CHD1L: variants seen among roughly 807,000 people sequenced by gnomAD.
CHD1L encodes chromodomain helicase DNA binding protein 1 like, also known as ATP-dependent chromatin remodeler CHD1L.
Under a neutral mutation model 115.9 loss-of-function variants are expected in CHD1L, and 118 were observed. That is an observed-to-expected ratio of 1.02 (90% CI 0.88 to 1.19). The LOEUF (loss-of-function observed/expected upper bound fraction) is 1.19. Among genes scored for constraint, CHD1L ranks in the 50% most tolerant of loss-of-function variants. CHD1L has a pLI of 0.00. For missense variants in CHD1L, 1,179 were observed against 1,065.3 expected, an observed-to-expected ratio of 1.11 and a Z score of -1.49; for synonymous variants, 411 against 387.1, an observed-to-expected ratio of 1.06 and a Z score of -0.72.
chr1:147,222,111 T>G, the CHD1L span, among the ~76,000 whole-genome samples: 4 of 152,332 alleles, frequency 2.6e-5, no homozygotes, highest in Admixed American at 6.5e-5. Flanking sequence ...GGCTCATGCC[T>G]GTAATCCCCA....
chr1:147,267,026 G>A (rs1384347948), intron 8 of CHD1L, among the ~76,000 whole-genome samples: 1 of 152,304 alleles, frequency 6.6e-6, no homozygotes, highest in East Asian at 1.9e-4. Context: ...GGGAACTGCT[G>A]TATTTAAGAG....
In CHD1L at chr1:147,285,237, G is replaced by A. The variant is rs1020806334; in HGVS notation, c.1855-87G>A. The A allele has an allele frequency of 2.8e-6, 4 of 1,415,398 alleles. No individual in the cohort carries two copies. In the African/African-American group the frequency reaches 5.7e-5, roughly 20 times the overall value. 87.7% of individuals were successfully genotyped at this position (1,415,398 alleles called of 1,614,324 possible). A position where few individuals can be genotyped will look rare whatever the true frequency, so the allele number is the denominator to read the frequency against. ...CAGTGTTCTGTGGAATATTAAGCAT[G>A]TTGCTTCCGTACAGTGTGTGTTAGG... On this transcript the variant is annotated intron_variant, in intron 16 of 22. Coordinates refer to ENST00000369258, the MANE Select transcript of CHD1L (RefSeq NM_004284.6).
chr1:147,225,569 A>G, the CHD1L span: 1 of 155,248 alleles, frequency 6.4e-6, no homozygotes, highest in Non-Finnish European at 1.4e-5. Context: ...AGCACTCTCA[A>G]TTACTTTCTC....
chr1:147,266,173 A>G (rs1294842113), intron 8 of CHD1L, 86 bp downstream of exon 8: 11 of 1,279,402 alleles, frequency 8.6e-6, no homozygotes, highest in Admixed American at 2.2e-5. Flanking sequence ...ACTCATTTGT[A>G]TGATCCCAAG....
Position 147,272,210 on chromosome 1 carries a change from A to T in CHD1L, c.1199A>T (p.Glu400Val). 6.2e-7 allele frequency: 1 copy of T among 1,614,142 alleles called. No individual in the cohort carries two copies. Among genetic ancestry groups the T allele is most frequent in the Non-Finnish European group, 8.5e-7 (1 of 1,180,002 alleles). Residue 400 changes from glutamate to valine, a missense_variant, in exon 12 of 23, where the codon GAA becomes GTA. Coordinates refer to ENST00000369258, the MANE Select transcript of CHD1L (RefSeq NM_004284.6). ...YERVDGSVRGEERHLAIKNFG... is the reference protein window; with the variant it reads ...YERVDGSVRGVERHLAIKNFG... Reference sequence around the variant, plus strand: ...CGTGTGGATGGTTCTGTGAGAGGAGAAGAGAGACACTTGGCCATTAAGAAC... The same window carrying T: ...CGTGTGGATGGTTCTGTGAGAGGAGTAGAGAGACACTTGGCCATTAAGAAC...
At chr1:147,217,267 A>G in the CHD1L span, among the ~76,000 whole-genome samples, 1 of 152,210 alleles carries the variant, frequency 6.6e-6, no homozygotes, top group Admixed American at 6.5e-5. Context: ...AAAAGAAAAA[A>G]AAACTTCCTA....
intron 21 of CHD1L, 46 bp downstream of exon 21, chr1:147,293,768 G>T: frequency 6.6e-7 from 1 of 1,504,662 alleles, no homozygotes; most frequent in South Asian, 1.1e-5. Flanking sequence ...TTTGTTTCTA[G>T]GCATGTGATA....
the CHD1L span, chr1:147,190,387 G>T: frequency 1.7e-6 from 1 of 575,322 alleles, no homozygotes; most frequent in South Asian, 2.3e-5. Context: ...CAATTCACTT[G>T]ATCACCTTAC....
At chr1:147,267,598 A>G in intron 9 of CHD1L, 80 bp downstream of exon 9, 2 of 1,048,094 alleles carry the variant, frequency 1.9e-6, no homozygotes, top group Non-Finnish European at 2.9e-6. Context: ...CTTCAAAATA[A>G]TTGCATATAC....
At chr1:147,244,187 T>C (rs1241400033) in intron 1 of CHD1L, among the ~76,000 whole-genome samples, 1 of 152,236 alleles carries the variant, frequency 6.6e-6, no homozygotes, top group Non-Finnish European at 1.5e-5. Flanking sequence ...AGTGTGCCAG[T>C]TGATACTTAG....
At chr1:147,258,634 T>C (rs1172580857) in intron 5 of CHD1L, among the ~76,000 whole-genome samples, 1 of 152,178 alleles carries the variant, frequency 6.6e-6, no homozygotes, top group Non-Finnish European at 1.5e-5. Flanking sequence ...AGTAGGTGAA[T>C]GGTAATGTCA....
Position 147,285,478 on chromosome 1 carries a change from A to G in CHD1L, c.2009A>G (p.His670Arg), listed in dbSNP as rs587713818. 43 of 1,610,846 alleles carry G rather than the reference A, an allele frequency of 2.7e-5. No homozygotes were observed. The highest frequency in any genetic ancestry group is 4.0e-5 in the African/African-American group (3 of 74,640). The stretch of plus-strand genomic sequence containing the variant: ...AAGAGGCAAAAGGAAGAGGCTGAAC[A>G]TAAGAAAAAGTATGTCTGCGTTAAC... Reference protein sequence around the residue: ...EKKRQKEEAEHKKKMAWWESN... With the variant: ...EKKRQKEEAERKKKMAWWESN... The change falls in exon 17 of 23, where the codon CAT (histidine) becomes CGT (arginine). Residue 670 changes from histidine (H) to arginine (R), a missense_variant. His to Arg is a conservative substitution (Grantham distance 29). Coordinates refer to ENST00000369258, the MANE Select transcript of CHD1L (RefSeq NM_004284.6).
the CHD1L span, among the ~76,000 whole-genome samples, chr1:147,237,429 A>G: frequency 5.9e-5 from 9 of 151,476 alleles, no homozygotes; most frequent in African/African-American, 2.2e-4. Flanking sequence ...GCTGTGCCTG[A>G]GAGGGTAGGG....
intron 15 of CHD1L, among the ~76,000 whole-genome samples, chr1:147,283,295 T>A (rs1681658583): frequency 6.6e-6 from 1 of 151,544 alleles, no homozygotes. Flanking sequence ...AAGCAATTGA[T>A]CTCTTGAGAA....
the CHD1L span, among the ~76,000 whole-genome samples, chr1:147,180,335 A>G: frequency 6.6e-6 from 1 of 152,062 alleles, no homozygotes; most frequent in East Asian, 1.9e-4. Flanking sequence ...CTCTGTTGCC[A>G]GGCTGGAGTT....
intron 6 of CHD1L, among the ~76,000 whole-genome samples, chr1:147,261,415 T>C (rs1671893962): frequency 7.0e-6 from 1 of 142,936 alleles, no homozygotes; most frequent in Non-Finnish European, 1.6e-5. Context: ...TTTTTTTTTA[T>C]ATATAAAGGC....
chr1:147,242,699 G>A lies in CHD1L; in HGVS notation c.-5G>A, dbSNP rs1420787416. The stretch of plus-strand genomic sequence containing the variant: ...GCCGCGCGGGGCGGGGCCTCTACCG[G>A]CCCGATGGAGCGCGCGGGCGCTACT... On this transcript the variant is annotated 5_prime_UTR_variant, in exon 1 of 23. Coordinates refer to ENST00000369258, the MANE Select transcript of CHD1L (RefSeq NM_004284.6). 2 of 1,260,648 alleles carry A rather than the reference G, an allele frequency of 1.6e-6. No individual in the cohort carries two copies. 78.1% of individuals were successfully genotyped at this position (1,260,648 alleles called of 1,614,324 possible).
the CHD1L span, among the ~76,000 whole-genome samples, chr1:147,218,130 C>A: frequency 1.3e-5 from 2 of 152,050 alleles, no homozygotes; most frequent in African/African-American, 2.4e-5. Context: ...AATATAAAGT[C>A]AAATGCATAG....
At chr1:147,282,425 C>T (rs1465283999) in intron 15 of CHD1L, among the ~76,000 whole-genome samples, 2 of 152,110 alleles carry the variant, frequency 1.3e-5, no homozygotes, top group African/African-American at 2.4e-5. Context: ...ACTTGTAAGT[C>T]CTAAGCTCTT....
Sources: gnomAD v4.1 joint callset for allele counts (sites outside exome capture counted in the v4.1 genomes callset) on GRCh38, gnomAD v4.1.1 for gene constraint, MANE v1.5 for transcripts, NCBI Gene and HGNC (gene_info 2026-07-23, HGNC 2026-07-21) for gene names.